KDM4C: variants seen among roughly 807,000 people sequenced by gnomAD.
The protein encoded by KDM4C is lysine demethylase 4C.
In KDM4C, 81 loss-of-function variants were observed where a neutral mutation model predicts 129.3. The observed-to-expected ratio is 0.63, with a 90% CI of 0.52 to 0.75. The LOEUF (loss-of-function observed/expected upper bound fraction) is 0.75, where lower values mean the gene tolerates loss of function less well. Among genes scored for constraint, KDM4C ranks in the 30% least tolerant of loss-of-function variants. The probability of loss-of-function intolerance (pLI) is 0.00; values close to 1 mark genes in which losing one functional copy is unlikely to be tolerated. For synonymous variants in KDM4C, 573 were observed against 456.1 expected (o/e 1.26, Z -3.26); for missense variants, 1,457 against 1,304.0 (o/e 1.12, Z -1.81).
chr9:7,019,871 C>T (rs967884673), intron 15 of KDM4C, among the ~76,000 whole-genome samples: 10 of 150,840 alleles, frequency 6.6e-5, no homozygotes, highest in South Asian at 2.1e-4. Context: ...GTAATTTTTT[C>T]GGCTTCAGCC....
chr9:6,804,569 C>T (rs1829619545), intron 2 of KDM4C, among the ~76,000 whole-genome samples: 1 of 151,712 alleles, frequency 6.6e-6, no homozygotes, highest in South Asian at 2.1e-4. Context: ...ACCATCCTGG[C>T]CAAGATGGTG....
chr9:7,044,155 T>A (rs538038200), intron 15 of KDM4C, among the ~76,000 whole-genome samples: 93 of 152,112 alleles, frequency 6.1e-4, no homozygotes, highest in Non-Finnish European at 1.2e-3. Context: ...TGGGAATGCC[T>A]GAGATAGAAG....
At position 6,814,903 on chromosome 9, in the gene KDM4C, T is replaced by A. The variant is rs558677599; in HGVS notation, c.435+158T>A. 12 of 434,466 alleles carry A rather than the reference T, an allele frequency of 2.8e-5. No individual in the cohort carries two copies. In the South Asian group the frequency reaches 8.0e-4, roughly 29 times the overall value. 26.9% of individuals were successfully genotyped at this position (434,466 alleles called of 1,614,324 possible). Reference sequence around the variant, plus strand: ...TATTCATCAGTAGGATTTCTGCTGCTGGTATTTTTCAAACTGAAGCTAGAT... The same window carrying A: ...TATTCATCAGTAGGATTTCTGCTGCAGGTATTTTTCAAACTGAAGCTAGAT... On this transcript the variant is annotated intron_variant, in intron 4 of 21. Transcript: ENST00000381309.
chr9:6,989,077 G>C (rs913087512), intron 11 of KDM4C, among the ~76,000 whole-genome samples: 6 of 152,190 alleles, frequency 3.9e-5, no homozygotes, highest in African/African-American at 1.4e-4. Context: ...ATGGTGCATA[G>C]TAGTGTGTTG....
At chr9:7,056,177 A>G (rs1256640471) in intron 17 of KDM4C, among the ~76,000 whole-genome samples, 1 of 152,208 alleles carries the variant, frequency 6.6e-6, no homozygotes, top group Non-Finnish European at 1.5e-5. Flanking sequence ...AACTATTCTA[A>G]AGGAGGAGTA....
At chr9:7,045,274 T>G (rs1216486626) in intron 15 of KDM4C, among the ~76,000 whole-genome samples, 1 of 152,032 alleles carries the variant, frequency 6.6e-6, no homozygotes, top group Non-Finnish European at 1.5e-5. Flanking sequence ...GCTACTTTCA[T>G]TAATCAGACA....
chr9:7,172,345 CAGAAT>C (rs1845049606), intron 21 of KDM4C, among the ~76,000 whole-genome samples: 1 of 152,160 alleles, frequency 6.6e-6, no homozygotes, highest in Non-Finnish European at 1.5e-5. Flanking sequence ...TATTGTCTCA[CAGAAT>C]AACCATAGCA....
intron 15 of KDM4C, among the ~76,000 whole-genome samples, chr9:7,036,053 T>G (rs991240935): frequency 2.6e-5 from 4 of 152,208 alleles, no homozygotes; most frequent in African/African-American, 9.6e-5. Context: ...GGGATTGCAT[T>G]GAATCTGTAG....
chr9:7,102,522 G>A (rs1264962254), intron 17 of KDM4C, among the ~76,000 whole-genome samples: 1 of 152,034 alleles, frequency 6.6e-6, no homozygotes, highest in Non-Finnish European at 1.5e-5. Flanking sequence ...GACACCGTGG[G>A]CGGAGGCAGT....
At chr9:6,925,509 T>A (rs1822324600) in intron 8 of KDM4C, 2 of 861,764 alleles carry the variant, frequency 2.3e-6, no homozygotes, top group African/African-American at 1.9e-5. Flanking sequence ...TTGCTCATGC[T>A]GCTTTCAATC....
intron 1 of KDM4C, among the ~76,000 whole-genome samples, chr9:6,775,527 A>G (rs951704601): frequency 6.6e-6 from 1 of 151,664 alleles, no homozygotes; most frequent in Non-Finnish European, 1.5e-5. Context: ...GCCCTAGCAA[A>G]TGGTTTTTTT....
intron 8 of KDM4C, among the ~76,000 whole-genome samples, chr9:6,969,121 A>T (rs1163389628): frequency 6.6e-6 from 1 of 152,140 alleles, no homozygotes; most frequent in Non-Finnish European, 1.5e-5. Flanking sequence ...TTTGTAGCAG[A>T]GATGGGGTTT....
chr9:7,127,532 C>G (rs894030992), intron 18 of KDM4C, among the ~76,000 whole-genome samples: 1 of 152,094 alleles, frequency 6.6e-6, no homozygotes, highest in African/African-American at 2.4e-5. Flanking sequence ...GTAGCACTAC[C>G]ATAAACAAAG....
chr9:6,893,921 T>A (rs893720901), intron 8 of KDM4C, among the ~76,000 whole-genome samples: 1 of 152,224 alleles, frequency 6.6e-6, no homozygotes, highest in African/African-American at 2.4e-5. Context: ...TTCTATTAGG[T>A]TTGCTTCCTT....
At chr9:6,882,824 G>T (rs932328944) in intron 6 of KDM4C, among the ~76,000 whole-genome samples, 1 of 151,540 alleles carries the variant, frequency 6.6e-6, no homozygotes, top group African/African-American at 2.4e-5. Context: ...GCACGTGCAC[G>T]CACATTGTGG....
At chr9:6,979,157 C>T (rs529606783) in intron 8 of KDM4C, among the ~76,000 whole-genome samples, 1 of 152,182 alleles carries the variant, frequency 6.6e-6, no homozygotes, top group Admixed American at 6.5e-5. Flanking sequence ...AGCTTTTTTC[C>T]CCCTTTTGTC....
chr9:6,874,305 G>C (rs1294371253), intron 5 of KDM4C, among the ~76,000 whole-genome samples: 1 of 152,178 alleles, frequency 6.6e-6, no homozygotes, highest in African/African-American at 2.4e-5. Flanking sequence ...ATAGTACTAT[G>C]TTAAACAACA....
At chr9:6,858,617 T>C (rs1249704207) in intron 5 of KDM4C, among the ~76,000 whole-genome samples, 3 of 152,012 alleles carry the variant, frequency 2.0e-5, no homozygotes, top group Non-Finnish European at 4.4e-5. Flanking sequence ...CTACTAAATA[T>C]GAAAAGTTAG....
chr9:7,014,219 T>G, intron 14 of KDM4C: 1 of 446,912 alleles, frequency 2.2e-6, no homozygotes, highest in Non-Finnish European at 4.0e-6. Flanking sequence ...GCAGGTCTGG[T>G]TTTTTTTGTT....
Sources: gnomAD v4.1 joint callset for allele counts (sites outside exome capture counted in the v4.1 genomes callset) on GRCh38, gnomAD v4.1.1 for gene constraint, MANE v1.5 for transcripts, NCBI Gene and HGNC (gene_info 2026-07-23, HGNC 2026-07-21) for gene names.